Variants in SGTB observed in about 807,000 individuals in gnomAD.
SGTB encodes the protein small glutamine-rich tetratricopeptide repeat-containing protein beta.
SGTB carries 19 observed loss-of-function variants against 43.9 expected under a neutral mutation model. The ratio of observed to expected loss-of-function variants is 0.43; its 90% CI spans 0.30 to 0.63. The LOEUF is 0.63. Among genes scored for constraint, SGTB ranks in the 30% least tolerant of loss-of-function variants. The pLI is 0.12. For synonymous variants in SGTB, 116 were observed against 117.3 expected, an observed-to-expected ratio of 0.99 and a Z score of 0.07; for missense variants, 304 against 358.9, an observed-to-expected ratio of 0.85 and a Z score of 1.24.
At chr5:65,678,694 C>T (rs1247748102) in intron 8 of SGTB, among the ~76,000 whole-genome samples, 2 of 152,136 alleles carry the variant, frequency 1.3e-5, no homozygotes, top group African/African-American at 4.8e-5. Context: ...TAAGACTGCA[C>T]ACTCACAACC....
intron 5 of SGTB, among the ~76,000 whole-genome samples, chr5:65,696,880 G>A (rs927917939): frequency 2.6e-5 from 4 of 152,172 alleles, no homozygotes; most frequent in Admixed American, 1.3e-4. Flanking sequence ...AAAGAGTCAT[G>A]CTTAAGAAAT....
intron 5 of SGTB, among the ~76,000 whole-genome samples, chr5:65,702,407 C>G (rs1164627883): frequency 6.6e-6 from 1 of 152,208 alleles, no homozygotes; most frequent in Non-Finnish European, 1.5e-5. Flanking sequence ...TCTCTTCCTT[C>G]TACCCTTCAA....
At chr5:65,718,717 A>G (rs1758196445) in intron 2 of SGTB, among the ~76,000 whole-genome samples, 1 of 152,212 alleles carries the variant, frequency 6.6e-6, no homozygotes, top group South Asian at 2.1e-4. Context: ...GTTCAATTAA[A>G]TTAGACTCAC....
upstream of SGTB, chr5:65,722,470 T>G: frequency 6.8e-7 from 1 of 1,481,414 alleles, no homozygotes; most frequent in South Asian, 1.2e-5. Context: ...TCTTTCGCCG[T>G]GTGGTGCCTG....
chr5:65,700,174 T>C (rs1304219562), intron 5 of SGTB, among the ~76,000 whole-genome samples: 1 of 152,220 alleles, frequency 6.6e-6, no homozygotes, highest in East Asian at 1.9e-4. Context: ...TTGGTCTAGT[T>C]AGACTAATGC....
intron 8 of SGTB, among the ~76,000 whole-genome samples, chr5:65,677,655 G>C (rs1757309369): frequency 6.6e-6 from 1 of 152,146 alleles, no homozygotes; most frequent in South Asian, 2.1e-4. Context: ...AATCACGGAG[G>C]CTTCATCCCC....
chr5:65,712,718 C>T (rs1361134236), intron 3 of SGTB, among the ~76,000 whole-genome samples: 2 of 151,812 alleles, frequency 1.3e-5, no homozygotes, highest in Non-Finnish European at 2.9e-5. Flanking sequence ...ACTTAAAAGT[C>T]GACTAATACA....
chr5:65,684,898 A>T (rs1344649799), intron 6 of SGTB, among the ~76,000 whole-genome samples: 2 of 151,700 alleles, frequency 1.3e-5, no homozygotes, highest in African/African-American at 4.8e-5. Context: ...CTGTGTAGAT[A>T]CAAATGTAGG....
chr5:65,683,313 C>T (rs1757434951), intron 6 of SGTB, among the ~76,000 whole-genome samples: 1 of 152,098 alleles, frequency 6.6e-6, no homozygotes, highest in Non-Finnish European at 1.5e-5. Flanking sequence ...AGATCGAGAG[C>T]ATCAGAAGAC....
At chr5:65,707,527 C>T (rs893636411) in intron 4 of SGTB, among the ~76,000 whole-genome samples, 6 of 151,264 alleles carry the variant, frequency 4.0e-5, no homozygotes, top group Non-Finnish European at 7.4e-5. Flanking sequence ...CTCCGCCTGC[C>T]GGGTTCAAGC....
At chr5:65,722,507 G>C (rs1479002053), upstream of SGTB, 2 of 1,180,916 alleles carry the variant, frequency 1.7e-6, no homozygotes, top group Non-Finnish European at 2.4e-6. Context: ...CTTCCCGACC[G>C]CGCCTCTCCG....
chr5:65,707,395 T>TACACACACACAC (rs35011866), intron 4 of SGTB, among the ~76,000 whole-genome samples: 48 of 133,688 alleles, frequency 3.6e-4, no homozygotes, highest in African/African-American at 9.5e-4. Flanking sequence ...GCTGATTTTA[T>TACACACACACAC]ACACACACAC....
intron 5 of SGTB, among the ~76,000 whole-genome samples, chr5:65,696,604 A>G (rs1757720080): frequency 6.6e-6 from 1 of 152,216 alleles, no homozygotes; most frequent in Non-Finnish European, 1.5e-5. Context: ...ACAAATAGAT[A>G]CAAGTGCCAA....
intron 5 of SGTB, among the ~76,000 whole-genome samples, chr5:65,699,406 G>A (rs1237080586): frequency 6.6e-6 from 1 of 152,198 alleles, no homozygotes; most frequent in African/African-American, 2.4e-5. Context: ...GGAGGGAGAT[G>A]AGAGATAAAA....
chr5:65,700,736 G>A (rs1324591656), intron 5 of SGTB, among the ~76,000 whole-genome samples: 2 of 149,380 alleles, frequency 1.3e-5, no homozygotes, highest in Admixed American at 1.3e-4. Context: ...ATGGCTGGGC[G>A]TGGTTGCTCA....
rs1172251891 is a variant in SGTB, at chr5:65,680,704, C to T, written c.570G>A (p.Lys190=). The T allele has an allele frequency of 6.2e-7, 1 of 1,614,052 alleles. No individual in the cohort carries two copies. Among genetic ancestry groups the T allele is most frequent in the South Asian group, 1.1e-5 (1 of 91,086 alleles). ...LDLDPENDSY[K]SNLKIAEQKL... is the part of the protein sequence containing the mutation. ...TCTGTTCTGCTATTTTCAGATTTGA[C>T]TTATAGGAATCATTTTCAGGGTCAA... The change falls in exon 7 of 11, where the codon AAG becomes AAA. Residue 190 remains lysine, a synonymous_variant. Coordinates refer to ENST00000381007, the MANE Select transcript of SGTB (RefSeq NM_019072.3).
chr5:65,709,065 G>A (rs141800965), intron 3 of SGTB, among the ~76,000 whole-genome samples: 1 of 151,376 alleles, frequency 6.6e-6, no homozygotes, highest in African/African-American at 2.4e-5. Context: ...AGAATATGAA[G>A]AATATGTGAA....
chr5:65,711,352 T>C (rs1158370366), intron 3 of SGTB, among the ~76,000 whole-genome samples: 1 of 151,270 alleles, frequency 6.6e-6, no homozygotes, highest in African/African-American at 2.4e-5. Flanking sequence ...TAGAGTTTCC[T>C]GAGAAGGAAA....
rs1757046602 is a variant in SGTB at position 65,666,714 on chromosome 5, G to T, written c.*3532C>A. 6.6e-6 allele frequency: 1 copy of T among 152,146 alleles called. No homozygotes were observed. The highest frequency in any genetic ancestry group is 1.5e-5 in the Non-Finnish European group (1 of 67,982). 9.4% of individuals were successfully genotyped at this position (152,146 alleles called of 1,614,324 possible). ...AAAATGGCTTGAATAGAATGGAAAT[G>T]TAGGCAAGTGGACAGATAGCATCTA... On this transcript the variant is annotated 3_prime_UTR_variant, in exon 11 of 11. Transcript: ENST00000381007.
Sources: gnomAD v4.1 joint callset for allele counts (sites outside exome capture counted in the v4.1 genomes callset) on GRCh38, gnomAD v4.1.1 for gene constraint, MANE v1.5 for transcripts, NCBI Gene and HGNC (gene_info 2026-07-23, HGNC 2026-07-21) for gene names.